The following RTTN variants were observed in gnomAD, a reference collection of about 807,000 sequenced individuals.
RTTN encodes the protein rotatin.
Under a neutral mutation model 269.2 loss-of-function variants are expected in RTTN, and 182 were observed. That is an observed-to-expected ratio of 0.68 (90% CI 0.60 to 0.76). The LOEUF (loss-of-function observed/expected upper bound fraction) is 0.76, where lower values mean the gene tolerates loss of function less well. RTTN is among the 30% of genes least tolerant of loss of function. RTTN has a pLI of 0.00. For synonymous variants in RTTN, 1,006 were observed against 963.5 expected (o/e 1.04, Z -0.82); for missense variants, 2,545 against 2,608.6 (o/e 0.98, Z 0.53).
At chr18:70,036,656 C>A (rs1266222346) in intron 40 of RTTN, among the ~76,000 whole-genome samples, 1 of 152,044 alleles carries the variant, frequency 6.6e-6, no homozygotes, top group African/African-American at 2.4e-5. Flanking sequence ...TACAAGTTTA[C>A]CTATATAACA....
At chr18:70,015,833 GAA>G (rs35380364) in intron 46 of RTTN, among the ~76,000 whole-genome samples, 2 of 151,654 alleles carry the variant, frequency 1.3e-5, no homozygotes, top group Non-Finnish European at 2.9e-5. Context: ...AGCCCTCAAA[GAA>G]AAAAAAAATC....
At chr18:70,102,871 TTTTC>T (rs2059207200) in intron 28 of RTTN, among the ~76,000 whole-genome samples, 1 of 152,242 alleles carries the variant, frequency 6.6e-6, no homozygotes, top group Non-Finnish European at 1.5e-5. Context: ...TTGAAAATTC[TTTTC>T]TTTAAGAATG....
chr18:70,110,695 C>G (rs1056076096), intron 27 of RTTN, among the ~76,000 whole-genome samples: 1 of 152,178 alleles, frequency 6.6e-6, no homozygotes, highest in Non-Finnish European at 1.5e-5. Context: ...GCGCCTGGAA[C>G]AGCAGCGAGA....
At chr18:70,066,049 GAA>G (rs2144967008) in intron 34 of RTTN, 127 bp from the exon 35 acceptor site, 1 of 495,156 alleles carries the variant, frequency 2.0e-6, no homozygotes, top group South Asian at 5.6e-5. Context: ...AGGATAACTA[GAA>G]AAGATTCCAT....
At chr18:70,086,496 G>T in intron 32 of RTTN, 117 bp downstream of exon 32, 1 of 830,060 alleles carries the variant, frequency 1.2e-6, no homozygotes, top group Non-Finnish European at 2.0e-6. Flanking sequence ...ATTTTAAGAG[G>T]CCCTTGCTGT....
At chr18:70,006,600 T>C in intron 46 of RTTN, 116 bp from the exon 47 acceptor site, 1 of 770,876 alleles carries the variant, frequency 1.3e-6, no homozygotes, top group Non-Finnish European at 2.2e-6. Flanking sequence ...ATAAAGTTGG[T>C]ATCACTAGAC....
At chr18:70,204,366 T>G in intron 2 of RTTN, 103 bp from the exon 3 acceptor site, 2 of 1,160,896 alleles carry the variant, frequency 1.7e-6, no homozygotes, top group Non-Finnish European at 2.4e-6. Flanking sequence ...GATGTTCCTT[T>G]TCTGAAAAAC....
chr18:70,092,052 C>T, intron 30 of RTTN, 58 bp downstream of exon 30: 2 of 1,102,866 alleles, frequency 1.8e-6, no homozygotes, highest in Non-Finnish European at 2.7e-6. Flanking sequence ...CGCACCTGGC[C>T]CCGTGTCATT....
At chr18:70,135,113 G>T in intron 22 of RTTN, 71 bp downstream of exon 22, 1 of 841,574 alleles carries the variant, frequency 1.2e-6, no homozygotes, top group Non-Finnish European at 1.9e-6. Context: ...TCCATGCCTT[G>T]CTATAAGATT....
At chr18:70,066,739 C>G (rs1183970024) in intron 34 of RTTN, among the ~76,000 whole-genome samples, 2 of 152,168 alleles carry the variant, frequency 1.3e-5, no homozygotes, top group Admixed American at 1.3e-4. Flanking sequence ...ATTCCAGACT[C>G]AGATCCTATA....
Position 70,005,029 on chromosome 18 carries a change from CATCT to C in RTTN, c.6595+165_6595+168del, listed in dbSNP as rs545009598. ...TAGAAGCAATCACATCTTAAACCTT[CATCT>C]ATCTATTTTATTATTTTAAAAAATG... On this transcript the variant is annotated intron_variant, in intron 48 of 48. Coordinates refer to ENST00000640769, the MANE Select transcript of RTTN (RefSeq NM_173630.4). 3.1e-3 allele frequency among the ~76,000 whole-genome samples: 478 copies of C among 152,302 alleles called. 3 individuals are homozygous for C. The highest frequency in any genetic ancestry group is 0.011 in the African/African-American group (445 of 41,552).
chr18:70,193,915 C>A (rs2061742039), intron 7 of RTTN, among the ~76,000 whole-genome samples: 1 of 152,144 alleles, frequency 6.6e-6, no homozygotes, highest in Non-Finnish European at 1.5e-5. Context: ...CACAAACAAC[C>A]AAGGAACAGA....
intron 10 of RTTN, among the ~76,000 whole-genome samples, chr18:70,186,329 G>C (rs2061546218): frequency 6.6e-6 from 1 of 152,212 alleles, no homozygotes; most frequent in Non-Finnish European, 1.5e-5. Context: ...AGCATTACAA[G>C]TTCCATGCCA....
Position 70,135,171 on chromosome 18 carries a change from T to C in RTTN, c.2885+13A>G. The C allele has an allele frequency of 2.1e-6, 3 of 1,408,204 alleles. No homozygotes were observed. Among genetic ancestry groups the C allele is most frequent in the Non-Finnish European group, 2.9e-6 (3 of 1,033,646 alleles). The allele number at this position is 1,408,204 out of a possible 1,614,324, so 87.2% of individuals were successfully genotyped here. A position where few individuals can be genotyped will look rare whatever the true frequency, so the allele number is the denominator to read the frequency against. ...AGTTAAGAGTAAAAAACTTATAAAT[T>C]CTTATATCTCACCACATATCCATTC... is the stretch of plus-strand genomic sequence containing the variant. On this transcript the variant is annotated intron_variant, in intron 22 of 48. Transcript: ENST00000640769.
At chr18:70,166,322 T>A in intron 13 of RTTN, 134 bp from the exon 14 acceptor site, 2 of 790,220 alleles carry the variant, frequency 2.5e-6, no homozygotes, top group Non-Finnish European at 4.0e-6. Context: ...TAACCAATAC[T>A]AGCAAGTACT....
intron 35 of RTTN, 58 bp from the exon 36 acceptor site, chr18:70,060,100 C>T: frequency 7.6e-7 from 1 of 1,322,204 alleles, no homozygotes; most frequent in Admixed American, 2.5e-5. Context: ...GTACAATACT[C>T]AAAAGTTCTT....
chr18:70,109,462 A>T (rs758075078), intron 28 of RTTN, 36 bp downstream of exon 28: 3 of 1,536,594 alleles, frequency 2.0e-6, no homozygotes, highest in South Asian at 2.2e-5. Context: ...AAAAGCAACT[A>T]ATAGTAAATA....
Position 70,092,228 on chromosome 18 carries a change from GA to G in RTTN, c.4033-9del. ...CCAAAGTGACATCCACTCCTAGAGG[GA>G]AAAAAGGGAAACAGAAATATTTGAG... On this transcript the variant is annotated splice_polypyrimidine_tract_variant and intron_variant, in intron 29 of 48. Coordinates refer to ENST00000640769, the MANE Select transcript of RTTN (RefSeq NM_173630.4). The G allele has an allele frequency of 4.7e-6, 7 of 1,489,146 alleles. No homozygotes were observed. Among genetic ancestry groups the G allele is most frequent in the Non-Finnish European group, 5.6e-6 (6 of 1,074,344 alleles). 92.2% of individuals were successfully genotyped at this position (1,489,146 alleles called of 1,614,324 possible). A position where few individuals can be genotyped will look rare whatever the true frequency, so the allele number is the denominator to read the frequency against.
rs747938327 is a variant in RTTN at position 70,142,396 on chromosome 18, CA to C, written c.2482-10del. Reference sequence around the variant, plus strand: ...TTTTCAACAGTCTCCAACTACAAACCAAAAAAAAAAAAAAACCAAAATTACA... The same window carrying C: ...TTTTCAACAGTCTCCAACTACAAACCAAAAAAAAAAAAAACCAAAATTACA... On this transcript the variant is annotated splice_polypyrimidine_tract_variant and intron_variant, in intron 18 of 48. Transcript: ENST00000640769. The C allele has an allele frequency of 0.13, 114,594 of 883,734 alleles. 73 individuals carry two copies. Among genetic ancestry groups the C allele is most frequent in the East Asian group, 0.17 (4,086 of 24,024 alleles). 54.7% of individuals were successfully genotyped at this position (883,734 alleles called of 1,614,324 possible).
Sources: gnomAD v4.1 joint callset for allele counts (sites outside exome capture counted in the v4.1 genomes callset) on GRCh38, gnomAD v4.1.1 for gene constraint, MANE v1.5 for transcripts, NCBI Gene and HGNC (gene_info 2026-07-23, HGNC 2026-07-21) for gene names.